FGGY: variants seen among roughly 807,000 people sequenced by gnomAD.
The protein encoded by FGGY is FGGY carbohydrate kinase domain containing, also known as FGGY carbohydrate kinase domain-containing protein.
FGGY carries 72 observed loss-of-function variants against 71.3 expected under a neutral mutation model. The ratio of observed to expected loss-of-function variants is 1.01; its 90% CI spans 0.84 to 1.23. The LOEUF (loss-of-function observed/expected upper bound fraction) is 1.23. Among genes scored for constraint, FGGY ranks in the 50% most tolerant of loss-of-function variants. The pLI is 0.00. For missense variants in FGGY, 668 were observed against 682.3 expected, an observed-to-expected ratio of 0.98 and a Z score of 0.23; for synonymous variants, 251 against 250.3, an observed-to-expected ratio of 1.00 and a Z score of -0.02.
At chr1:59,359,561 A>G (rs2055001110) in intron 4 of FGGY, among the ~76,000 whole-genome samples, 1 of 152,166 alleles carries the variant, frequency 6.6e-6, no homozygotes, top group Admixed American at 6.5e-5. Context: ...GAATGAGTTC[A>G]TTACCTCTTC....
At chr1:59,399,410 T>C (rs1557799980) in intron 5 of FGGY, among the ~76,000 whole-genome samples, 1 of 152,174 alleles carries the variant, frequency 6.6e-6, no homozygotes, top group Non-Finnish European at 1.5e-5. Context: ...CTTAAATAGG[T>C]ATGATTATAC....
chr1:59,578,075 G>A (rs1280285233), intron 8 of FGGY, among the ~76,000 whole-genome samples: 1 of 152,174 alleles, frequency 6.6e-6, no homozygotes, highest in Non-Finnish European at 1.5e-5. Flanking sequence ...GAAGAAGTCA[G>A]AGGTCAAGAC....
intron 12 of FGGY, 53 bp downstream of exon 12, chr1:59,660,346 T>G: frequency 2.9e-6 from 4 of 1,381,908 alleles, no homozygotes; most frequent in Non-Finnish European, 4.1e-6. Context: ...CAGTATACTC[T>G]AGGCCACTGG....
intron 14 of FGGY, among the ~76,000 whole-genome samples, chr1:59,746,985 G>C (rs1240798958): frequency 6.6e-6 from 1 of 152,126 alleles, no homozygotes; most frequent in African/African-American, 2.4e-5. Flanking sequence ...TAATAATATA[G>C]TGCTAGGCCA....
intron 14 of FGGY, among the ~76,000 whole-genome samples, chr1:59,695,279 G>A (rs943872378): frequency 1.3e-5 from 2 of 152,182 alleles, no homozygotes; most frequent in Non-Finnish European, 2.9e-5. Flanking sequence ...AAAAGATGGA[G>A]AGGACAGGTG....
chr1:59,390,595 A>C (rs533038406), intron 5 of FGGY, among the ~76,000 whole-genome samples: 21 of 152,314 alleles, frequency 1.4e-4, no homozygotes, highest in African/African-American at 4.6e-4. Context: ...ATTGACCAGC[A>C]GCTAGGTTTA....
At chr1:59,620,864 A>G (rs2096800008) in intron 9 of FGGY, among the ~76,000 whole-genome samples, 1 of 152,104 alleles carries the variant, frequency 6.6e-6, no homozygotes, top group Non-Finnish European at 1.5e-5. Flanking sequence ...TATGCTATAA[A>G]CCCAATAATG....
chr1:59,663,138 C>G (rs2097292879), intron 12 of FGGY, among the ~76,000 whole-genome samples: 1 of 152,170 alleles, frequency 6.6e-6, no homozygotes, highest in Admixed American at 6.5e-5. Flanking sequence ...AAGACGGTGC[C>G]TTGCCTACTG....
chr1:59,499,585 A>T (rs2094159152), intron 6 of FGGY, among the ~76,000 whole-genome samples: 1 of 152,164 alleles, frequency 6.6e-6, no homozygotes, highest in Admixed American at 6.6e-5. Flanking sequence ...CTGCTGTGCT[A>T]GAGTGCTATA....
chr1:59,641,110 G>C (rs1236352451), intron 11 of FGGY, among the ~76,000 whole-genome samples: 1 of 151,014 alleles, frequency 6.6e-6, no homozygotes, highest in African/African-American at 2.5e-5. Flanking sequence ...AGCTGGGAAG[G>C]GGGTTTGAGG....
intron 11 of FGGY, among the ~76,000 whole-genome samples, chr1:59,650,525 A>G (rs1428769907): frequency 3.0e-5 from 3 of 100,020 alleles, no homozygotes; most frequent in South Asian, 3.7e-4. Context: ...TAGATTTTCT[A>G]GTATATTTGC....
intron 7 of FGGY, among the ~76,000 whole-genome samples, chr1:59,525,107 A>G (rs67798844): frequency 0.053 from 8,142 of 152,268 alleles, 327 homozygotes; most frequent in African/African-American, 0.11. Context: ...CAGAAGCCCC[A>G]TGCAGCACAT....
At chr1:59,320,408 C>G (rs1329335497) in intron 1 of FGGY, among the ~76,000 whole-genome samples, 2 of 152,156 alleles carry the variant, frequency 1.3e-5, no homozygotes, top group African/African-American at 4.8e-5. Flanking sequence ...AAATTAGACT[C>G]TGGGTGGTAA....
chr1:59,737,206 G>T (rs998132004), intron 14 of FGGY, among the ~76,000 whole-genome samples: 7 of 152,382 alleles, frequency 4.6e-5, no homozygotes, highest in South Asian at 4.1e-4. Flanking sequence ...GAAGTTTGCT[G>T]CAGGGACAGG....
At chr1:59,346,460 C>G in intron 4 of FGGY, 62 bp downstream of exon 4, 1 of 1,562,016 alleles carries the variant, frequency 6.4e-7, no homozygotes, top group Non-Finnish European at 8.7e-7. Context: ...TTACTGTGGA[C>G]CTGTAGGTAC....
intron 13 of FGGY, among the ~76,000 whole-genome samples, chr1:59,669,011 AAG>A (rs2097351375): frequency 6.6e-6 from 1 of 151,358 alleles, no homozygotes; most frequent in Admixed American, 6.6e-5. Context: ...AAAAAAAAAA[AAG>A]CATACAGTCT....
intron 6 of FGGY, among the ~76,000 whole-genome samples, chr1:59,466,898 T>C (rs911944295): frequency 1.3e-5 from 2 of 152,194 alleles, no homozygotes; most frequent in African/African-American, 2.4e-5. Context: ...TTTTACATTG[T>C]TGGTGGTAGT....
intron 8 of FGGY, among the ~76,000 whole-genome samples, chr1:59,599,636 G>A (rs1205413100): frequency 6.8e-6 from 1 of 147,188 alleles, no homozygotes; most frequent in Non-Finnish European, 1.5e-5. Context: ...AGAGGTTGCA[G>A]TGAGCCGAGA....
At chr1:59,588,182 G>C (rs1022529879) in intron 8 of FGGY, among the ~76,000 whole-genome samples, 1 of 152,198 alleles carries the variant, frequency 6.6e-6, no homozygotes, top group Admixed American at 6.5e-5. Context: ...TCAACTGGAA[G>C]AAAGGGTATC....
Sources: gnomAD v4.1 joint callset for allele counts (sites outside exome capture counted in the v4.1 genomes callset) on GRCh38, gnomAD v4.1.1 for gene constraint, MANE v1.5 for transcripts, NCBI Gene and HGNC (gene_info 2026-07-23, HGNC 2026-07-21) for gene names.